The following KIAA1210 variants were observed in gnomAD, a reference collection of about 807,000 sequenced individuals.
KIAA1210 encodes KIAA1210.
KIAA1210 carries 48 observed loss-of-function variants against 78.9 expected under a neutral mutation model. That is an observed-to-expected ratio of 0.61 (90% CI 0.48 to 0.77). The LOEUF (loss-of-function observed/expected upper bound fraction) is 0.77. Ranked by LOEUF, KIAA1210 falls within the 30% of genes least tolerant of loss-of-function variation. KIAA1210 has a pLI of 0.00. For synonymous variants in KIAA1210, 406 were observed against 404.5 expected, an observed-to-expected ratio of 1.00 and a Z score of -0.04; for missense variants, 1,108 against 1,100.0, an observed-to-expected ratio of 1.01 and a Z score of -0.10.
Position 119,088,921 on chromosome X carries a change from G to T in KIAA1210, c.1781C>A (p.Ser594Tyr). ...KTLPPRSLFQ[S>Y]SRKPDAEEVS... The stretch of plus-strand genomic sequence containing the variant: ...TTCTTCAGCATCAGGCTTCCTTGAG[G>T]ACTGAAAAAGGCTTCTGGGAGGCAG... The change falls in exon 9 of 12, where the codon TCC becomes TAC. Residue 594 changes from serine to tyrosine, a missense_variant. This residue lies in a region of KIAA1210 where 672 missense variants were observed against 607.1 expected (regional missense o/e 1.11). Transcript: ENST00000691062. 4 of 1,211,137 alleles carry T rather than the reference G, an allele frequency of 3.3e-6. No individual in the cohort carries two copies. Among genetic ancestry groups the T allele is most frequent in the Non-Finnish European group, 4.5e-6 (4 of 895,059 alleles).
At chrX:119,093,272 C>T (rs945386511) in intron 8 of KIAA1210, among the ~76,000 whole-genome samples, 1 of 112,252 alleles carries the variant, frequency 8.9e-6, no homozygotes, top group Non-Finnish European at 1.9e-5. Context: ...TTCTATTATT[C>T]CTTTCTGGTT....
intron 1 of KIAA1210, 85 bp from the exon 2 acceptor site, chrX:119,123,737 C>T (rs1388545703): frequency 3.5e-6 from 2 of 566,871 alleles, no homozygotes; most frequent in African/African-American, 2.3e-5. Flanking sequence ...TACCCCTTAT[C>T]CTTCAGTTAT....
Position 119,088,495 on chromosome X carries a change from C to T in KIAA1210, c.2207G>A (p.Arg736Lys). The change falls in exon 9 of 12, where the codon AGA becomes AAA. Residue 736 changes from arginine (R) to lysine (K), a missense_variant. Arg to Lys is a conservative substitution (Grantham distance 26). Coordinates refer to ENST00000691062, the MANE Select transcript of KIAA1210 (RefSeq NM_001394962.1). ...QNDFMQQLPS[R>K]CPSQPIMNPT... The stretch of plus-strand genomic sequence containing the variant: ...ATTCATAATGGGCTGAGAAGGGCAT[C>T]TGGAAGGCAGCTGCTGCATAAAATC... The T allele has an allele frequency of 8.3e-7, 1 of 1,211,263 alleles. No homozygotes were observed. The highest frequency in any genetic ancestry group is 1.1e-6 in the Non-Finnish European group (1 of 895,356).
At chrX:119,134,067 C>G (rs922679100) in intron 2 of KIAA1210, among the ~76,000 whole-genome samples, 2 of 111,058 alleles carry the variant, frequency 1.8e-5, no homozygotes, top group Non-Finnish European at 3.8e-5. Context: ...AACATTAGAA[C>G]TGATTCTTTC....
At chrX:119,137,223 A>G (rs1928933434) in intron 2 of KIAA1210, among the ~76,000 whole-genome samples, 1 of 112,341 alleles carries the variant, frequency 8.9e-6, no homozygotes, top group Non-Finnish European at 1.9e-5. Flanking sequence ...CTTCTCTCCC[A>G]TTTTGTAGAT....
intron 5 of KIAA1210, among the ~76,000 whole-genome samples, chrX:119,106,597 G>A (rs141323113): frequency 1.6e-4 from 18 of 112,413 alleles, no homozygotes; most frequent in South Asian, 1.1e-3. Flanking sequence ...AGTCAAGCCC[G>A]TGAGCAGTAA....
chrX:119,102,258 A>T (rs1927756497), intron 6 of KIAA1210, among the ~76,000 whole-genome samples: 1 of 113,048 alleles, frequency 8.8e-6, no homozygotes, highest in Admixed American at 9.4e-5. Flanking sequence ...TTATTGAGAG[A>T]ATCAAATGTA....
At chrX:119,107,929 G>T (rs1489570121) in intron 5 of KIAA1210, among the ~76,000 whole-genome samples, 2 of 111,732 alleles carry the variant, frequency 1.8e-5, no homozygotes, top group Non-Finnish European at 3.8e-5. Context: ...ATAAGTTTAG[G>T]ATTAGCTGGA....
At chrX:119,093,995 TG>T (rs764448980) in intron 7 of KIAA1210, 1 of 1,164,831 alleles carries the variant, frequency 8.6e-7, no homozygotes, top group South Asian at 1.8e-5. Context: ...CTACTGGAAG[TG>T]GTTCATCCAG....
chrX:119,120,424 G>C (rs1454010075), intron 2 of KIAA1210, among the ~76,000 whole-genome samples: 1 of 112,299 alleles, frequency 8.9e-6, no homozygotes, highest in African/African-American at 3.2e-5. Flanking sequence ...ACAGGGAGAA[G>C]AGAGTCAGCA....
chrX:119,120,262 G>A (rs1928415490), intron 2 of KIAA1210, among the ~76,000 whole-genome samples: 1 of 112,133 alleles, frequency 8.9e-6, no homozygotes, highest in South Asian at 3.7e-4. Context: ...CTGGCCTTCT[G>A]AAAGGGGAAC....
At chrX:119,150,201 C>T (rs1929259836) in intron 1 of KIAA1210, 3 of 953,461 alleles carry the variant, frequency 3.1e-6, no homozygotes, top group Non-Finnish European at 4.3e-6. Flanking sequence ...GTTATATAAA[C>T]ATCACCCTTG....
upstream of KIAA1210, among the ~76,000 whole-genome samples, chrX:119,132,541 T>C (rs778516221): frequency 8.9e-6 from 1 of 111,804 alleles, no homozygotes; most frequent in African/African-American, 3.2e-5. Flanking sequence ...GATTAGACCC[T>C]GCCAAAATGT....
intron 3 of KIAA1210, among the ~76,000 whole-genome samples, chrX:119,112,561 A>G (rs751653380): frequency 8.9e-6 from 1 of 112,560 alleles, no homozygotes; most frequent in South Asian, 3.7e-4. Context: ...CAACAAGTAC[A>G]TGAAAAGATG....
At position 119,088,988 on chromosome X, in the gene KIAA1210, T is replaced by G; in HGVS notation, c.1714A>C (p.Met572Leu). ...HQTFTASVLGMTSTTAKGDVY... is the reference protein window; with the variant it reads ...HQTFTASVLGLTSTTAKGDVY... ...TCTCCTTTGGCTGTAGTACTTGTCA[T>G]ACCCAAAACACTTGCTGTAAAGGTC... Residue 572 changes from methionine to leucine, a missense_variant, in exon 9 of 12, where the codon ATG (methionine) becomes CTG (leucine). Coordinates refer to ENST00000691062, the MANE Select transcript of KIAA1210 (RefSeq NM_001394962.1). 8.3e-7 allele frequency: 1 copy of G among 1,211,964 alleles called. No homozygotes were observed. The highest frequency in any genetic ancestry group is 1.1e-6 in the Non-Finnish European group (1 of 895,478).
chrX:119,105,170 G>C, intron 5 of KIAA1210, 23 bp from the exon 6 acceptor site: 1 of 1,169,685 alleles, frequency 8.5e-7, no homozygotes, highest in Non-Finnish European at 1.1e-6. Context: ...AGAATAGAAG[G>C]AACAATTTAA....
chrX:119,130,607 G>T (rs778399495), upstream of KIAA1210, among the ~76,000 whole-genome samples: 22 of 112,696 alleles, frequency 2.0e-4, no homozygotes, highest in Non-Finnish European at 3.2e-4. Flanking sequence ...GTGGCAAACA[G>T]AAATCAGTGG....
chrX:119,123,155 CA>C (rs1243243986), intron 2 of KIAA1210, among the ~76,000 whole-genome samples: 2 of 112,098 alleles, frequency 1.8e-5, no homozygotes, highest in Non-Finnish European at 3.8e-5. Flanking sequence ...TAAGTTTTGC[CA>C]AAGAGAATTT....
chrX:119,138,541 G>T (rs759114498), intron 2 of KIAA1210, among the ~76,000 whole-genome samples: 1 of 111,565 alleles, frequency 9.0e-6, no homozygotes. Flanking sequence ...CTTAAGATAC[G>T]CCAGGTGCTA....
Sources: gnomAD v4.1 joint callset for allele counts (sites outside exome capture counted in the v4.1 genomes callset) on GRCh38, gnomAD v4.1.1 for gene constraint, gnomAD v4.1.1 regional missense constraint, MANE v1.5 for transcripts, NCBI Gene and HGNC (gene_info 2026-07-23, HGNC 2026-07-21) for gene names.